Variants in MAOB observed in about 807,000 individuals in gnomAD.
MAOB encodes amine oxidase [flavin-containing] B.
MAOB carries 15 observed loss-of-function variants against 41.9 expected under a neutral mutation model. That is an observed-to-expected ratio of 0.36 (90% CI 0.24 to 0.55). The LOEUF is 0.55. Ranked by LOEUF, MAOB falls within the 20% of genes least tolerant of loss-of-function variation. The pLI is 0.86. For missense variants in MAOB, 345 were observed against 398.7 expected (o/e 0.87, Z 1.15); for synonymous variants, 167 against 144.2 (o/e 1.16, Z -1.13).
chrX:43,855,571 TAG>T (rs897093057), intron 1 of MAOB, among the ~76,000 whole-genome samples: 2 of 111,452 alleles, frequency 1.8e-5, no homozygotes, highest in Non-Finnish European at 3.8e-5. Flanking sequence ...CCTGCTAAAA[TAG>T]AGAGACAACA....
rs1008333562 is a variant in MAOB at position 43,810,001 on chromosome X, T to C, written c.280-6597A>G. ...GCTCACGCCTGTAATCCCAGCACTT[T>C]GGGAGGCCGAGGCGGGCGGATCACG... is the stretch of plus-strand genomic sequence containing the variant. On this transcript the variant is annotated intron_variant, in intron 3 of 14. Transcript: ENST00000378069. 1.7e-4 allele frequency among the ~76,000 whole-genome samples: 17 copies of C among 100,267 alleles called. 1 individual carries two copies. The highest frequency in any genetic ancestry group is 7.8e-4 in the African/African-American group (17 of 21,747). The allele number at this position is 100,267 out of a possible 115,157, so 87.1% of individuals were successfully genotyped here. A position where few individuals can be genotyped will look rare whatever the true frequency, so the allele number is the denominator to read the frequency against.
intron 8 of MAOB, 107 bp from the exon 9 acceptor site, chrX:43,781,651 T>C (rs1053259928): frequency 7.4e-6 from 3 of 406,137 alleles, no homozygotes; most frequent in Non-Finnish European, 1.2e-5. Flanking sequence ...AAAGGCCAAA[T>C]AAAGCATGTT....
At chrX:43,878,245 C>A (rs1467312571) in intron 1 of MAOB, among the ~76,000 whole-genome samples, 1 of 111,312 alleles carries the variant, frequency 9.0e-6, no homozygotes, top group African/African-American at 3.3e-5. Flanking sequence ...TATTCTCCCC[C>A]TCCCAGTCTT....
intron 1 of MAOB, among the ~76,000 whole-genome samples, chrX:43,870,794 CAAAAA>C (rs763016344): frequency 0.083 from 1,807 of 21,661 alleles, 22 homozygotes; most frequent in Non-Finnish European, 0.11. Context: ...GACTCCACCT[CAAAAA>C]AAAAAAAAAA....
chrX:43,848,396 T>C (rs2035225668), intron 1 of MAOB, among the ~76,000 whole-genome samples: 1 of 112,077 alleles, frequency 8.9e-6, no homozygotes. Flanking sequence ...TTTAAAGTTA[T>C]GAAAAGAGAG....
At chrX:43,869,071 T>C (rs1304156489) in intron 1 of MAOB, among the ~76,000 whole-genome samples, 1 of 111,666 alleles carries the variant, frequency 9.0e-6, no homozygotes, top group Non-Finnish European at 1.9e-5. Context: ...TAGCCCGCAA[T>C]TTCCTTTTAC....
intron 8 of MAOB, among the ~76,000 whole-genome samples, chrX:43,786,437 C>T (rs2034400391): frequency 1.8e-5 from 2 of 111,639 alleles, no homozygotes; most frequent in Admixed American, 9.6e-5. Flanking sequence ...CTCCTGCACC[C>T]CTCCCCACTG....
Position 43,797,147 on chromosome X carries a change from A to G in MAOB, c.596T>C (p.Ile199Thr). ...TACCTGTCCTCCATTTGTTGTCGAG[A>G]TGATTCTTGTTGTGCCTCCACACTG... Reference protein sequence around the residue: ...VKQCGGTTRIISTTNGGQERK... With the variant: ...VKQCGGTTRITSTTNGGQERK... Residue 199 changes from isoleucine (I) to threonine (T), a missense_variant, in exon 6 of 15, where the codon ATC becomes ACC. By Grantham distance (89) the Ile-to-Thr change is moderately conservative. Transcript: ENST00000378069. 1 of 1,208,861 alleles carries G rather than the reference A, an allele frequency of 8.3e-7. No homozygotes were observed. Among genetic ancestry groups the G allele is most frequent in the Non-Finnish European group, 1.1e-6 (1 of 894,037 alleles).
intron 1 of MAOB, among the ~76,000 whole-genome samples, chrX:43,880,943 T>C (rs2035468950): frequency 8.9e-6 from 1 of 112,940 alleles, no homozygotes; most frequent in Admixed American, 9.3e-5. Context: ...TAGGTATGCT[T>C]TTAAGTCCAA....
intron 1 of MAOB, among the ~76,000 whole-genome samples, chrX:43,847,613 A>T (rs73473876): frequency 0.014 from 1,546 of 112,105 alleles, 35 homozygotes; most frequent in African/African-American, 0.048. Flanking sequence ...TGGACAAAAA[A>T]CAAAAAATTA....
At chrX:43,820,216 T>C (rs189148184) in intron 3 of MAOB, among the ~76,000 whole-genome samples, 162 of 112,429 alleles carry the variant, frequency 1.4e-3, no homozygotes, top group Non-Finnish European at 2.5e-3. Context: ...AGAGAAAAGA[T>C]CACTCTACTT....
intron 1 of MAOB, among the ~76,000 whole-genome samples, chrX:43,860,025 T>C (rs1385729450): frequency 8.9e-6 from 1 of 112,130 alleles, no homozygotes; most frequent in African/African-American, 3.2e-5. Flanking sequence ...AATGACTTGT[T>C]CTCTTAGCAG....
At chrX:43,784,976 C>T (rs891253818) in intron 8 of MAOB, among the ~76,000 whole-genome samples, 9 of 111,821 alleles carry the variant, frequency 8.0e-5, no homozygotes, top group African/African-American at 2.9e-4. Flanking sequence ...GGTGAAACCC[C>T]GTCTCTACTA....
chrX:43,809,387 C>A (rs2034713614), intron 3 of MAOB, among the ~76,000 whole-genome samples: 1 of 112,437 alleles, frequency 8.9e-6, no homozygotes, highest in African/African-American at 3.2e-5. Context: ...GGGAACCAAA[C>A]AATATGTAAA....
At chrX:43,832,400 C>A (rs777241279) in intron 3 of MAOB, among the ~76,000 whole-genome samples, 7 of 111,587 alleles carry the variant, frequency 6.3e-5, no homozygotes, top group African/African-American at 2.3e-4. Flanking sequence ...CTGAACAACA[C>A]AGGTTTGAAC....
At chrX:43,881,855 G>C (rs866990561) in intron 1 of MAOB, among the ~76,000 whole-genome samples, 2 of 112,320 alleles carry the variant, frequency 1.8e-5, no homozygotes, top group South Asian at 7.4e-4. Flanking sequence ...ACAACAATAC[G>C]ATGTGGTGCA....
intron 3 of MAOB, among the ~76,000 whole-genome samples, chrX:43,805,842 A>G (rs5952754): frequency 1.8e-5 from 2 of 112,137 alleles, no homozygotes; most frequent in African/African-American, 3.2e-5. Context: ...TTTTAAGTTT[A>G]ATAGTGTTCC....
intron 3 of MAOB, among the ~76,000 whole-genome samples, chrX:43,807,173 C>T (rs1569218048): frequency 8.9e-6 from 1 of 112,192 alleles, no homozygotes; most frequent in Non-Finnish European, 1.9e-5. Flanking sequence ...CCTCCTTCAT[C>T]AGAGTTCAAT....
intron 1 of MAOB, among the ~76,000 whole-genome samples, chrX:43,881,733 G>C (rs1182193944): frequency 4.5e-5 from 5 of 112,203 alleles, no homozygotes; most frequent in Admixed American, 1.9e-4. Flanking sequence ...CCTCAAGTTA[G>C]ATCCGTGACA....
Sources: allele counts gnomAD v4.1 joint callset (sites outside exome capture counted in the v4.1 genomes callset), GRCh38; gene constraint gnomAD v4.1.1; transcripts MANE v1.5; gene names NCBI Gene and HGNC (gene_info 2026-07-23, HGNC 2026-07-21).